Variants in WNT16 observed in about 807,000 individuals in gnomAD.
WNT16 encodes protein Wnt-16.
Under a neutral mutation model 35.4 loss-of-function variants are expected in WNT16, and 20 were observed. The ratio of observed to expected loss-of-function variants is 0.56; its 90% CI spans 0.40 to 0.82. The LOEUF is 0.82. Ranked by LOEUF, WNT16 falls within the 40% of genes least tolerant of loss-of-function variation. The pLI is 0.00. For missense variants in WNT16, 461 were observed against 466.0 expected (o/e 0.99, Z 0.10); for synonymous variants, 180 against 179.2 (o/e 1.00, Z -0.03).
At chr7:121,330,708 T>G in intron 2 of WNT16, among the ~76,000 whole-genome samples, 1 of 81,026 alleles carries the variant, frequency 1.2e-5, no homozygotes, top group African/African-American at 6.1e-5. Flanking sequence ...CTGGTCCCCG[T>G]AGAGAGAAAA....
At chr7:121,327,634 G>GCCACTGCA (rs1294620329), upstream of WNT16, among the ~76,000 whole-genome samples, 3 of 152,132 alleles carry the variant, frequency 2.0e-5, no homozygotes, top group East Asian at 5.8e-4. Flanking sequence ...ACAGGTGTGA[G>GCCACTGCA]CCACTGCACC....
intron 3 of WNT16, among the ~76,000 whole-genome samples, chr7:121,335,310 A>G (rs1408275513): frequency 6.6e-6 from 1 of 152,078 alleles, no homozygotes; most frequent in Non-Finnish European, 1.5e-5. Context: ...AGCGGTTTCT[A>G]TGTTTACATT....
chr7:121,338,733 A>G (rs1793478642), intron 3 of WNT16, 148 bp from the exon 4 acceptor site: 1 of 759,324 alleles, frequency 1.3e-6, no homozygotes. Flanking sequence ...AAGCCTACGC[A>G]ATTTTAAAGA....
chr7:121,326,486 G>T (rs1308856157), upstream of WNT16, among the ~76,000 whole-genome samples: 2 of 152,114 alleles, frequency 1.3e-5, no homozygotes, highest in African/African-American at 4.8e-5. Context: ...CTGACTCTCA[G>T]GACAGAATAC....
intron 3 of WNT16, 93 bp from the exon 4 acceptor site, chr7:121,338,788 C>A: frequency 9.4e-7 from 1 of 1,059,438 alleles, no homozygotes; most frequent in Non-Finnish European, 1.4e-6. Flanking sequence ...AGGAAATAGA[C>A]CCAGAAAGTT....
At chr7:121,338,423 T>TG (rs1481389206) in intron 3 of WNT16, among the ~76,000 whole-genome samples, 1 of 152,096 alleles carries the variant, frequency 6.6e-6, no homozygotes, top group Non-Finnish European at 1.5e-5. Flanking sequence ...AGGTCTGGAG[T>TG]GGGGCCTGAG....
upstream of WNT16, chr7:121,325,554 G>C (rs577075508): frequency 6.9e-7 from 1 of 1,459,138 alleles, no homozygotes; most frequent in East Asian, 2.3e-5. Context: ...GAATTGTGAC[G>C]TAAGGAACCA....
At chr7:121,325,612 T>C, upstream of WNT16, 1 of 794,168 alleles carries the variant, frequency 1.3e-6, no homozygotes. Flanking sequence ...AATCTGAGTT[T>C]TAAGATTTGG....
Position 121,331,545 on chromosome 7 carries a change from T to C in WNT16, c.347-133T>C, listed in dbSNP as rs181331077. ...AAGAGCAAATCTTCCTTTCTAAATA[T>C]GTACTCGTTAACGCATCCATTGTAA... On this transcript the variant is annotated intron_variant, in intron 2 of 3. Coordinates refer to ENST00000222462, the MANE Select transcript of WNT16 (RefSeq NM_057168.2). 16 of 738,358 alleles carry C rather than the reference T, an allele frequency of 2.2e-5. No homozygotes were observed. The South Asian group carries it at 2.5e-4, about 12-fold the overall frequency. 45.7% of individuals were successfully genotyped at this position (738,358 alleles called of 1,614,324 possible).
chr7:121,327,432 C>A (rs532119345), upstream of WNT16, among the ~76,000 whole-genome samples: 17 of 145,270 alleles, frequency 1.2e-4, no homozygotes, highest in South Asian at 3.5e-3. Context: ...CTCACTGCAA[C>A]CTCCACCTCC....
Position 121,340,836 on chromosome 7 carries a change from T to C in WNT16, c.*1491T>C, listed in dbSNP as rs940842464. On this transcript the variant is annotated 3_prime_UTR_variant, in exon 4 of 4. Coordinates refer to ENST00000222462, the MANE Select transcript of WNT16 (RefSeq NM_057168.2). ...TTACAGGGCTCTATTTAAGGATGTA[T>C]TTTAATGTAAATGCTTATGTTTTTT... 6.6e-6 allele frequency: 1 copy of C among 152,232 alleles called. No individual in the cohort carries two copies. Among genetic ancestry groups the C allele is most frequent in the African/African-American group, 2.4e-5 (1 of 41,446 alleles). 9.4% of individuals were successfully genotyped at this position (152,232 alleles called of 1,614,324 possible). A position where few individuals can be genotyped will look rare whatever the true frequency, so the allele number is the denominator to read the frequency against.
At chr7:121,333,542 G>T (rs1584677931) in intron 3 of WNT16, among the ~76,000 whole-genome samples, 1 of 151,630 alleles carries the variant, frequency 6.6e-6, no homozygotes, top group African/African-American at 2.4e-5. Context: ...GCCTCTTAAG[G>T]TTTTACATTT....
chr7:121,333,404 A>G (rs1230086626), intron 3 of WNT16, among the ~76,000 whole-genome samples: 1 of 152,000 alleles, frequency 6.6e-6, no homozygotes, highest in East Asian at 1.9e-4. Flanking sequence ...TTAATTCAAA[A>G]TAGCAAAATA....
In WNT16 at chr7:121,331,723, T is replaced by C; in HGVS notation, c.392T>C (p.Leu131Pro). 1 of 1,614,172 alleles carries C rather than the reference T, an allele frequency of 6.2e-7. No individual in the cohort carries two copies. Among genetic ancestry groups the C allele is most frequent in the South Asian group, 1.1e-5 (1 of 91,080 alleles). The change falls in exon 3 of 4, where the codon CTG (leucine) becomes CCG (proline). Residue 131 changes from leucine (L) to proline (P), a missense_variant. Coordinates refer to ENST00000222462, the MANE Select transcript of WNT16 (RefSeq NM_057168.2). The part of the protein sequence containing the change: ...AFIYAVMAAG[L>P]VHSVTRSCSA... Reference sequence around the variant, plus strand: ...ATTTATGCTGTGATGGCTGCAGGCCTGGTGCATTCTGTGACCAGGTCATGC... The same window carrying C: ...ATTTATGCTGTGATGGCTGCAGGCCCGGTGCATTCTGTGACCAGGTCATGC...
Position 121,332,239 on chromosome 7 carries a change from T to C in WNT16, c.633+275T>C, listed in dbSNP as rs1357745638. Among the ~76,000 whole-genome samples, 4 of 151,410 alleles carry C rather than the reference T, an allele frequency of 2.6e-5. No individual in the cohort carries two copies. The East Asian group carries it at 7.7e-4, about 29-fold the overall frequency. ...AGGCTTTGATTAGAATAAATATACG[T>C]GTGTGTGTGTGTGTATACACATTTG... On this transcript the variant is annotated intron_variant, in intron 3 of 3. Transcript: ENST00000222462.
upstream of WNT16, among the ~76,000 whole-genome samples, chr7:121,327,081 G>A (rs1486404941): frequency 1.3e-5 from 2 of 152,234 alleles, no homozygotes; most frequent in Admixed American, 6.5e-5. Context: ...TCTTGGAGAA[G>A]CTCACAGAAT....
intron 3 of WNT16, among the ~76,000 whole-genome samples, 154 bp from the exon 4 acceptor site, chr7:121,338,727 C>T (rs990837645): frequency 2.0e-5 from 3 of 152,170 alleles, no homozygotes; most frequent in Admixed American, 6.5e-5. Context: ...CATTTGAAGC[C>T]TACGCAATTT....
rs1793487280 is a variant in WNT16 at position 121,339,092 on chromosome 7, A to T, written c.845A>T (p.Asp282Val). The T allele has an allele frequency of 1.2e-6, 2 of 1,614,220 alleles. No homozygotes were observed. Among genetic ancestry groups the T allele is most frequent in the East Asian group, 4.5e-5 (2 of 44,886 alleles). ...CAGAGGAAAATACCAATCCATAAGG[A>T]TGATCTGCTCTATGTTAATAAGTCT... ...KDQRKIPIHK[D>V]DLLYVNKSPN... is the part of the protein sequence containing the mutation. Residue 282 changes from aspartate to valine, a missense_variant, in exon 4 of 4, where the codon GAT (aspartate) becomes GTT (valine). By Grantham distance (152) the Asp-to-Val change is radical. Transcript: ENST00000222462.
Position 121,329,617 on chromosome 7 carries a change from A to T in WNT16, c.146A>T (p.Asn49Ile). 6.2e-7 allele frequency: 1 copy of T among 1,614,202 alleles called. No homozygotes were observed. The highest frequency in any genetic ancestry group is 1.1e-5 in the South Asian group (1 of 91,078). ...FGVPEKLGCA[N>I]LPLNSRQKEL... ...GTTCCAGAGAAGCTGGGCTGCGCCA[A>T]TTTGCCGCTGAACAGCCGCCAGAAG... The change falls in exon 2 of 4, where the codon AAT becomes ATT. Residue 49 changes from asparagine (N) to isoleucine (I), a missense_variant. By Grantham distance (149) the Asn-to-Ile change is moderately radical. Coordinates refer to ENST00000222462, the MANE Select transcript of WNT16 (RefSeq NM_057168.2).
Sources: gnomAD v4.1 joint callset for allele counts (sites outside exome capture counted in the v4.1 genomes callset) on GRCh38, gnomAD v4.1.1 for gene constraint, MANE v1.5 for transcripts, NCBI Gene and HGNC (gene_info 2026-07-23, HGNC 2026-07-21) for gene names.